Variants in HDAC9 observed in about 807,000 individuals in gnomAD.
HDAC9 encodes MEF-2 interacting transcription repressor (MITR) protein.
HDAC9 carries 41 observed loss-of-function variants against 139.4 expected under a neutral mutation model. The observed-to-expected ratio is 0.29, with a 90% CI of 0.23 to 0.38. The LOEUF is 0.38. Ranked by LOEUF, HDAC9 falls within the 10% of genes least tolerant of loss-of-function variation. The pLI, the probability that HDAC9 is intolerant of heterozygous loss-of-function variation, is 1.00. For missense variants in HDAC9, 1,147 were observed against 1,297.0 expected, an observed-to-expected ratio of 0.88 and a Z score of 1.78; for synonymous variants, 517 against 476.2, an observed-to-expected ratio of 1.09 and a Z score of -1.12.
rs183722157 is a variant in HDAC9 at position 18,415,218 on chromosome 7, A to C, written c.-41-81044A>C. 3.3e-4 allele frequency among the ~76,000 whole-genome samples: 50 copies of C among 152,276 alleles called. No individual in the cohort carries two copies. In the Middle Eastern group the frequency reaches 0.01, roughly 31 times the overall value. On this transcript the variant is annotated intron_variant, in intron 1 of 3. Coordinates refer to the HDAC9 transcript ENST00000413509. ...TAGAACACGATGCTGATAGACTGTG[A>C]TGTAGTTCTCGATGGCTTAAAGTGT...
intron 1 of HDAC9, among the ~76,000 whole-genome samples, chr7:18,293,167 G>A (rs1797922667): frequency 6.6e-6 from 1 of 152,026 alleles, no homozygotes; most frequent in Non-Finnish European, 1.5e-5. Flanking sequence ...AATCAGCCAA[G>A]CTTTACCTAT....
At chr7:18,451,215 G>A (rs1327527367) in intron 1 of HDAC9, among the ~76,000 whole-genome samples, 1 of 152,056 alleles carries the variant, frequency 6.6e-6, no homozygotes, top group Non-Finnish European at 1.5e-5. Flanking sequence ...CATGAGGAAT[G>A]GGCCCTCACC....
Position 18,652,649 on chromosome 7 carries a change from A to G in HDAC9, c.1467+3966A>G, listed in dbSNP as rs531976077. Among the ~76,000 whole-genome samples the G allele has an allele frequency of 2.0e-5, 3 of 152,254 alleles. No homozygotes were observed. In the South Asian group the frequency reaches 6.2e-4, roughly 32 times the overall value. ...TTATTCTTTATTTCTCTGTTATAGT[A>G]TTAATAGAATTGCACTGATTCATGC... On this transcript the variant is annotated intron_variant, in intron 11 of 25. Coordinates refer to ENST00000686413, the MANE Select transcript of HDAC9 (RefSeq NM_178425.4).
chr7:18,324,749 G>T (rs908045821), intron 1 of HDAC9, among the ~76,000 whole-genome samples: 1 of 152,088 alleles, frequency 6.6e-6, no homozygotes, highest in Non-Finnish European at 1.5e-5. Context: ...AGCATAAAAA[G>T]GTGAGCAAGA....
chr7:18,972,628 C>G (rs573102451), intron 24 of HDAC9, among the ~76,000 whole-genome samples: 3 of 152,116 alleles, frequency 2.0e-5, no homozygotes, highest in East Asian at 1.9e-4. Flanking sequence ...TGATCCACCC[C>G]CTTCAGCCTC....
intron 2 of HDAC9, among the ~76,000 whole-genome samples, chr7:18,564,964 TTTATTTATTTA>T (rs1821806368): frequency 2.7e-4 from 1 of 3,696 alleles, no homozygotes; most frequent in Non-Finnish European, 4.4e-4. Flanking sequence ...ATGTATTTTA[TTTATTTATTTA>T]TTTATTTATT....
At chr7:18,648,748 G>T in intron 11 of HDAC9, 65 bp downstream of exon 11, 3 of 1,319,198 alleles carry the variant, frequency 2.3e-6, no homozygotes, top group Non-Finnish European at 3.2e-6. Context: ...TCTCTTCACT[G>T]ATATGGGTGT....
Position 18,594,039 on chromosome 7 carries a change from T to A in HDAC9, c.664+10T>A. ...CCCCTTCGAAAAACTGGTAAGTTGG[T>A]TTAACAGGAACTCTGTTTGCTCTTC... On this transcript the variant is annotated intron_variant, in intron 6 of 25. Transcript: ENST00000686413. 1 of 1,611,934 alleles carries A rather than the reference T, an allele frequency of 6.2e-7. No homozygotes were observed. Among genetic ancestry groups the A allele is most frequent in the Non-Finnish European group, 8.5e-7 (1 of 1,178,574 alleles).
intron 22 of HDAC9, among the ~76,000 whole-genome samples, chr7:18,926,349 A>G (rs1804227441): frequency 6.6e-6 from 1 of 152,164 alleles, no homozygotes; most frequent in South Asian, 2.1e-4. Context: ...TTCATCTCCA[A>G]AAAAATGTAT....
At chr7:18,475,314 T>A (rs1795032001) in intron 1 of HDAC9, among the ~76,000 whole-genome samples, 1 of 152,200 alleles carries the variant, frequency 6.6e-6, no homozygotes, top group Non-Finnish European at 1.5e-5. Context: ...GTTCTGTGTA[T>A]AAAGTGATTA....
At chr7:18,185,416 G>A (rs1464226538) in intron 2 of HDAC9, among the ~76,000 whole-genome samples, 1 of 152,148 alleles carries the variant, frequency 6.6e-6, no homozygotes, top group East Asian at 1.9e-4. Flanking sequence ...CAAGCATCAG[G>A]AAAGCACAAA....
chr7:18,692,638 G>T (rs1782751231), intron 12 of HDAC9, among the ~76,000 whole-genome samples: 1 of 152,034 alleles, frequency 6.6e-6, no homozygotes, highest in Non-Finnish European at 1.5e-5. Context: ...AAGAGATTTT[G>T]TGGGCCACGC....
intron 6 of HDAC9, among the ~76,000 whole-genome samples, chr7:18,619,701 C>T (rs755958913): frequency 6.6e-6 from 1 of 152,156 alleles, no homozygotes; most frequent in African/African-American, 2.4e-5. Flanking sequence ...TGCATAACCT[C>T]TATAAGTATC....
chr7:18,509,606 A>G (rs1476240215), intron 2 of HDAC9, among the ~76,000 whole-genome samples: 1 of 152,092 alleles, frequency 6.6e-6, no homozygotes, highest in Non-Finnish European at 1.5e-5. Context: ...CCTTCTTCTG[A>G]GATACCTTAA....
chr7:18,417,112 T>G (rs1238081430), intron 1 of HDAC9, among the ~76,000 whole-genome samples: 1 of 152,150 alleles, frequency 6.6e-6, no homozygotes, highest in Non-Finnish European at 1.5e-5. Context: ...GCCCACTGAC[T>G]TTTTATTATC....
intron 7 of HDAC9, among the ~76,000 whole-genome samples, chr7:18,633,138 G>T (rs910841133): frequency 6.6e-6 from 1 of 151,964 alleles, no homozygotes; most frequent in African/African-American, 2.4e-5. Context: ...AATAGAAAAG[G>T]GATAAAGTCA....
At chr7:18,199,727 G>T (rs935868447) in intron 2 of HDAC9, among the ~76,000 whole-genome samples, 1 of 128,390 alleles carries the variant, frequency 7.8e-6, no homozygotes, top group Non-Finnish European at 1.6e-5. Context: ...GACCAGCCTG[G>T]ACAACATAGT....
rs1209181456 is a variant in HDAC9 at position 18,273,134 on chromosome 7, C to T, written c.25+110785C>T. Among the ~76,000 whole-genome samples the T allele has an allele frequency of 2.9e-5, 4 of 135,988 alleles. No homozygotes were observed. The Admixed American group carries it at 3.1e-4, about 11-fold the overall frequency. 89.2% of individuals were successfully genotyped at this position (135,988 alleles called of 152,430 possible). A position where few individuals can be genotyped will look rare whatever the true frequency, so the allele number is the denominator to read the frequency against. On this transcript the variant is annotated intron_variant, in intron 2 of 12. Transcript: ENST00000417496. ...TCGCTGGAGTGCAGTGACATCATAA[C>T]TCACTGCAGCATCAAACTCGTGGAC... is the stretch of plus-strand genomic sequence containing the variant.
chr7:18,513,053 G>T (rs907324004), intron 2 of HDAC9, among the ~76,000 whole-genome samples: 1 of 152,116 alleles, frequency 6.6e-6, no homozygotes, highest in African/African-American at 2.4e-5. Context: ...AAATAGTTTG[G>T]GAACAATTAA....
Sources: allele counts gnomAD v4.1 joint callset (sites outside exome capture counted in the v4.1 genomes callset), GRCh38; gene constraint gnomAD v4.1.1; transcripts MANE v1.5; gene names NCBI Gene and HGNC (gene_info 2026-07-23, HGNC 2026-07-21).